Variants in GTPBP1 observed in about 807,000 individuals in gnomAD.
GTPBP1 encodes GTP binding protein 1, also known as GTP-binding protein 1.
In GTPBP1, 23 loss-of-function variants were observed where a neutral mutation model predicts 62.0. That is an observed-to-expected ratio of 0.37 (90% CI 0.27 to 0.53). The LOEUF (loss-of-function observed/expected upper bound fraction) is 0.53, where lower values mean the gene tolerates loss of function less well. Ranked by LOEUF, GTPBP1 falls within the 20% of genes least tolerant of loss-of-function variation. The probability of loss-of-function intolerance (pLI) is 0.89; values close to 1 mark genes in which losing one functional copy is unlikely to be tolerated. For missense variants in GTPBP1, 640 were observed against 917.3 expected (o/e 0.70, Z 3.90); for synonymous variants, 344 against 364.4 (o/e 0.94, Z 0.64).
intron 4 of GTPBP1, 148 bp from the exon 5 acceptor site, chr22:38,721,594 A>T (rs1173950469): frequency 4.9e-6 from 3 of 609,554 alleles, no homozygotes; most frequent in South Asian, 2.5e-5. Flanking sequence ...GTCTCCTCCG[A>T]TTTTGACGCC....
At chr22:38,720,019 C>T (rs971828056) in intron 4 of GTPBP1, among the ~76,000 whole-genome samples, 1 of 150,720 alleles carries the variant, frequency 6.6e-6, no homozygotes, top group African/African-American at 2.4e-5. Flanking sequence ...AGCTCTGCCT[C>T]CCGGGTTCAT....
At position 38,729,595 on chromosome 22, in the gene GTPBP1, C is replaced by T; in HGVS notation, c.1850C>T (p.Pro617Leu). The change falls in exon 11 of 12, where the codon CCA becomes CTA. Residue 617 changes from proline (P) to leucine (L), a missense_variant. By Grantham distance (98) the Pro-to-Leu change is moderately conservative (BLOSUM62 -3). Around this residue, in one of 4 missense-constraint regions of GTPBP1, gnomAD observed 117 missense variants for 107.1 expected, o/e 1.09. Transcript: ENST00000216044. ...GGTGGGCCAGCAGTAGGAGCACCCC[C>T]ACCTGGAGATGAAGCCTCCTCTGTA... ...PSGGPAVGAP[P>L]PGDEASSVGA... 1.9e-6 allele frequency: 3 copies of T among 1,569,756 alleles called. No individual in the cohort carries two copies. Among genetic ancestry groups the T allele is most frequent in the South Asian group, 1.2e-5 (1 of 84,704 alleles).
intron 4 of GTPBP1, among the ~76,000 whole-genome samples, chr22:38,719,816 A>C (rs541537505): frequency 4.6e-5 from 7 of 151,744 alleles, no homozygotes; most frequent in African/African-American, 1.5e-4. Flanking sequence ...ATCCTCAAAT[A>C]TTTAGTCTGT....
At chr22:38,725,701 G>T in intron 6 of GTPBP1, 1 of 342,274 alleles carries the variant, frequency 2.9e-6, no homozygotes, top group Non-Finnish European at 5.4e-6. Context: ...GCAAGCATGC[G>T]TGTGTTTTAG....
intron 2 of GTPBP1, among the ~76,000 whole-genome samples, chr22:38,711,749 A>G (rs748764827): frequency 8.5e-5 from 13 of 152,116 alleles, no homozygotes; most frequent in Non-Finnish European, 1.5e-4. Context: ...AGGCTGAGGC[A>G]TGAGAATCAC....
At chr22:38,721,691 C>A in intron 4 of GTPBP1, 51 bp from the exon 5 acceptor site, 1 of 1,565,144 alleles carries the variant, frequency 6.4e-7, no homozygotes, top group Non-Finnish European at 8.7e-7. Context: ...GTCCACCCAG[C>A]AGCAATCTCT....
rs11547401 is a variant in GTPBP1 at position 38,732,672 on chromosome 22, C to T, written c.*1968C>T. The T allele has an allele frequency of 0.028, 4,318 of 152,406 alleles. 83 individuals carry two copies. The highest frequency in any genetic ancestry group is 0.082 in the Middle Eastern group (24 of 294). 9.4% of individuals were successfully genotyped at this position (152,406 alleles called of 1,614,324 possible). On this transcript the variant is annotated 3_prime_UTR_variant, in exon 12 of 12. Transcript: ENST00000216044. ...CGCTCCTGTTGACATTCCCAGCAGCCGCCCCTGAGGTCGATGTTTGTTCTG... is the reference window on the plus strand; with the variant it reads ...CGCTCCTGTTGACATTCCCAGCAGCTGCCCCTGAGGTCGATGTTTGTTCTG...
intron 4 of GTPBP1, among the ~76,000 whole-genome samples, chr22:38,720,726 A>G (rs146723799): frequency 6.6e-6 from 1 of 152,330 alleles, no homozygotes; most frequent in East Asian, 1.9e-4. Context: ...TACTGGAAGG[A>G]TAGTAATAGT....
downstream of GTPBP1, among the ~76,000 whole-genome samples, chr22:38,740,109 C>G (rs531135948): frequency 1.3e-5 from 2 of 152,346 alleles, no homozygotes; most frequent in Non-Finnish European, 2.9e-5. The surrounding 1 kb of genome is among the most constrained non-coding windows in gnomAD (Gnocchi z 4.8). Context: ...AGGAAGAACG[C>G]CTGTCAGTGA....
At chr22:38,735,932 C>T, downstream of GTPBP1, 2 of 226,938 alleles carry the variant, frequency 8.8e-6, no homozygotes, top group African/African-American at 2.3e-5. Flanking sequence ...CATCAGCTCC[C>T]AGGCACCAGC....
At chr22:38,721,345 T>C (rs1342570792) in intron 4 of GTPBP1, among the ~76,000 whole-genome samples, 3 of 152,216 alleles carry the variant, frequency 2.0e-5, no homozygotes, top group East Asian at 1.9e-4. Context: ...CGCAAAGTGC[T>C]GGGGTTACAG....
downstream of GTPBP1, chr22:38,736,198 T>A (rs750092949): frequency 7.0e-7 from 1 of 1,428,556 alleles, no homozygotes; most frequent in Non-Finnish European, 9.8e-7. Context: ...CGAGCAAGCG[T>A]GTGGGGGAAG....
intron 4 of GTPBP1, 85 bp from the exon 5 acceptor site, chr22:38,721,657 C>A: frequency 7.4e-7 from 1 of 1,345,068 alleles, no homozygotes; most frequent in Non-Finnish European, 1.0e-6. Context: ...CAGCTTTCAT[C>A]CACATCTGCT....
At chr22:38,742,067 T>A (rs1238395417), downstream of GTPBP1, among the ~76,000 whole-genome samples, 1 of 151,330 alleles carries the variant, frequency 6.6e-6, no homozygotes, top group Non-Finnish European at 1.5e-5. Flanking sequence ...CGCTTGAACC[T>A]GGGAGGCACA....
rs368719377 is a variant in GTPBP1 at position 38,716,661 on chromosome 22, G to C, written c.495G>C (p.Val165=). 9.9e-6 allele frequency: 16 copies of C among 1,612,348 alleles called. No individual in the cohort carries two copies. In the South Asian group the frequency reaches 1.3e-4, roughly 13 times the overall value. The change falls in exon 4 of 12, where the codon GTG becomes GTC. Residue 165 remains valine (V), a synonymous_variant. Transcript: ENST00000216044. The surrounding 1 kb of genome is among the most constrained non-coding windows in gnomAD (Gnocchi z 5.2). ...DNDFLEVRVA[V]VGNVDAGKST... is the part of the protein sequence containing the mutation. The stretch of plus-strand genomic sequence containing the variant: ...GTTCATCTACACGCAGGGTAGCAGT[G>C]GTGGGCAACGTGGATGCTGGCAAAA...
chr22:38,721,790 T>C lies in GTPBP1; in HGVS notation c.883T>C (p.Leu295=), dbSNP rs1425045034. 2 of 1,613,206 alleles carry C rather than the reference T, an allele frequency of 1.2e-6. No individual in the cohort carries two copies. The highest frequency in any genetic ancestry group is 1.7e-6 in the Non-Finnish European group (2 of 1,179,248). ...IVGMTKEHLG[L]ALALNVPVFV... is the part of the protein sequence containing the mutation. ...GGGGATGACCAAAGAACACCTGGGC[T>C]TGGCACTGGCACTCAATGTACCTGT... is the stretch of plus-strand genomic sequence containing the variant. The change falls in exon 5 of 12, where the codon TTG becomes CTG. Residue 295 remains leucine (L), a synonymous_variant. Transcript: ENST00000216044.
chr22:38,741,014 A>T, downstream of GTPBP1: 1 of 1,594,996 alleles, frequency 6.3e-7, no homozygotes, highest in Non-Finnish European at 8.5e-7. Flanking sequence ...TACCTTTGCC[A>T]CTCTGACTTC....
chr22:38,735,115 A>G (rs2145907180), downstream of GTPBP1: 3 of 389,002 alleles, frequency 7.7e-6, no homozygotes, highest in Non-Finnish European at 1.5e-5. Flanking sequence ...AAAAATATAT[A>G]CATAATACAG....
Position 38,716,591 on chromosome 22 carries a change from G to C in GTPBP1, c.486-61G>C. On this transcript the variant is annotated intron_variant, in intron 3 of 11. Transcript: ENST00000216044. The surrounding 1 kb of genome is among the most constrained non-coding windows in gnomAD (Gnocchi z 5.2). ...GGATCCAATTACTGGGGTTATGATG[G>C]TCGCTCCACCTCACTCATTCACTAA... is the stretch of plus-strand genomic sequence containing the variant. 2 of 1,236,422 alleles carry C rather than the reference G, an allele frequency of 1.6e-6. No individual in the cohort carries two copies. The highest frequency in any genetic ancestry group is 1.2e-6 in the Non-Finnish European group (1 of 866,756). The allele number at this position is 1,236,422 out of a possible 1,614,324, so 76.6% of individuals were successfully genotyped here.
Sources: gnomAD v4.1 joint callset for allele counts (sites outside exome capture counted in the v4.1 genomes callset) on GRCh38, gnomAD v4.1.1 for gene constraint, gnomAD v4.1.1 regional missense constraint, Gnocchi (gnomAD v3.1) non-coding constraint, MANE v1.5 for transcripts, NCBI Gene and HGNC (gene_info 2026-07-23, HGNC 2026-07-21) for gene names.